Variants in LRMDA observed in about 807,000 individuals in gnomAD.
LRMDA encodes the protein leucine-rich melanocyte differentiation-associated protein.
In LRMDA, 18 loss-of-function variants were observed where a neutral mutation model predicts 29.8. The ratio of observed to expected loss-of-function variants is 0.60; its 90% CI spans 0.42 to 0.90. LRMDA has a LOEUF of 0.90. Ranked by LOEUF, LRMDA falls within the 40% of genes least tolerant of loss-of-function variation. The pLI is 0.00. For missense variants in LRMDA, 273 were observed against 273.9 expected, an observed-to-expected ratio of 1.00 and a Z score of 0.02; for synonymous variants, 125 against 109.4, an observed-to-expected ratio of 1.14 and a Z score of -0.89.
At chr10:76,406,441 T>A (rs1841902488) in intron 6 of LRMDA, among the ~76,000 whole-genome samples, 1 of 152,250 alleles carries the variant, frequency 6.6e-6, no homozygotes, top group African/African-American at 2.4e-5. Flanking sequence ...ATTTGGGTTT[T>A]ATTAACAAAA....
intron 5 of LRMDA, among the ~76,000 whole-genome samples, chr10:76,099,400 T>C (rs541837772): frequency 6.7e-6 from 1 of 150,274 alleles, no homozygotes; most frequent in African/African-American, 2.5e-5. Context: ...TTAATTTTCT[T>C]TTTTATTTTA....
intron 6 of LRMDA, among the ~76,000 whole-genome samples, chr10:76,446,005 A>G (rs1000927147): frequency 6.6e-6 from 1 of 152,154 alleles, no homozygotes; most frequent in African/African-American, 2.4e-5. Flanking sequence ...AGCTTCCCCA[A>G]AGCAAATATT....
intron 2 of LRMDA, among the ~76,000 whole-genome samples, chr10:75,605,023 ATTTGAC>A (rs1177315700): frequency 6.6e-6 from 1 of 152,126 alleles, no homozygotes; most frequent in Non-Finnish European, 1.5e-5. Context: ...TATATTTTTT[ATTTGAC>A]TTTGACAAGT....
At chr10:75,830,170 G>A (rs1414617155) in intron 2 of LRMDA, among the ~76,000 whole-genome samples, 1 of 152,116 alleles carries the variant, frequency 6.6e-6, no homozygotes, top group Non-Finnish European at 1.5e-5. Flanking sequence ...CTCCCTTGAG[G>A]GGCTGTTGTG....
chr10:76,328,994 T>A (rs923538875), intron 6 of LRMDA, among the ~76,000 whole-genome samples: 3 of 152,162 alleles, frequency 2.0e-5, no homozygotes, highest in African/African-American at 7.2e-5. Flanking sequence ...TTTCTGTGGA[T>A]CACAGGAACA....
intron 2 of LRMDA, among the ~76,000 whole-genome samples, chr10:75,707,630 C>T (rs560563820): frequency 8.5e-5 from 13 of 152,260 alleles, no homozygotes; most frequent in African/African-American, 2.4e-4. Flanking sequence ...TTTGAGGCTG[C>T]GAGAGAGCTG....
intron 6 of LRMDA, among the ~76,000 whole-genome samples, chr10:76,441,639 G>T (rs12415604): frequency 1.5e-4 from 23 of 152,214 alleles, no homozygotes; most frequent in African/African-American, 5.5e-4. Flanking sequence ...ATTGCACAGG[G>T]GGAGTGGCAG....
chr10:75,915,120 C>CTTTTT lies in LRMDA; in HGVS notation c.132-120863_132-120859dup, dbSNP rs71024579. On this transcript the variant is annotated intron_variant, in intron 2 of 6. Transcript: ENST00000611255. The stretch of plus-strand genomic sequence containing the variant: ...CTTAGAAATTCTCATGTCTAACCTT[C>CTTTTT]TTTTTTTTTTTTTTTTTTTTTTTTT... Among the ~76,000 whole-genome samples, 246 of 75,238 alleles carry CTTTTT rather than the reference C, an allele frequency of 3.3e-3. 27 individuals are homozygous for CTTTTT. Among genetic ancestry groups the CTTTTT allele is most frequent in the East Asian group, 0.019 (44 of 2,352 alleles). The allele number at this position is 75,238 out of a possible 152,430, so 49.4% of individuals were successfully genotyped here. A position where few individuals can be genotyped will look rare whatever the true frequency, so the allele number is the denominator to read the frequency against.
intron 2 of LRMDA, among the ~76,000 whole-genome samples, chr10:75,981,930 A>G (rs913927815): frequency 1.3e-5 from 2 of 151,974 alleles, no homozygotes; most frequent in African/African-American, 4.8e-5. Context: ...TTCATACACC[A>G]GGTACAGCTG....
At chr10:75,457,575 G>A (rs912670127) in intron 2 of LRMDA, among the ~76,000 whole-genome samples, 1 of 152,146 alleles carries the variant, frequency 6.6e-6, no homozygotes, top group African/African-American at 2.4e-5. Flanking sequence ...TTTTCAGGAG[G>A]AGATAAAACT....
intron 2 of LRMDA, among the ~76,000 whole-genome samples, chr10:75,989,813 TG>T (rs1847334635): frequency 6.6e-6 from 1 of 152,210 alleles, no homozygotes. Context: ...TTCTGTCCCC[TG>T]GGCTGTTTAT....
intron 2 of LRMDA, among the ~76,000 whole-genome samples, chr10:75,588,192 G>T (rs373838723): frequency 6.6e-6 from 1 of 152,164 alleles, no homozygotes; most frequent in Non-Finnish European, 1.5e-5. Context: ...GGATATCAGA[G>T]GTGTGAAGTG....
intron 5 of LRMDA, among the ~76,000 whole-genome samples, chr10:76,241,475 A>G (rs1852276348): frequency 6.6e-6 from 1 of 152,206 alleles, no homozygotes; most frequent in Non-Finnish European, 1.5e-5. Context: ...ATTACCTGGA[A>G]TTCTGCCATG....
chr10:75,690,969 TAAA>T (rs1191387195), intron 2 of LRMDA, among the ~76,000 whole-genome samples: 7 of 96,682 alleles, frequency 7.2e-5, no homozygotes, highest in African/African-American at 3.2e-4. Flanking sequence ...CCCTGTCTCT[TAAA>T]AAAAAAATAT....
At chr10:76,045,787 A>G (rs1848428945) in intron 3 of LRMDA, among the ~76,000 whole-genome samples, 1 of 152,126 alleles carries the variant, frequency 6.6e-6, no homozygotes, top group Non-Finnish European at 1.5e-5. Context: ...GAAAACTGTT[A>G]TGGTTGTCAG....
At chr10:75,669,227 C>G (rs1242705449) in intron 2 of LRMDA, among the ~76,000 whole-genome samples, 2 of 152,300 alleles carry the variant, frequency 1.3e-5, no homozygotes, top group East Asian at 1.9e-4. Flanking sequence ...CTGTGGCACA[C>G]TATTGGCATC....
At chr10:76,080,852 T>A (rs1849037793) in intron 5 of LRMDA, among the ~76,000 whole-genome samples, 1 of 152,148 alleles carries the variant, frequency 6.6e-6, no homozygotes, top group Non-Finnish European at 1.5e-5. Flanking sequence ...AAAGCAAATG[T>A]CTCTTCCGAC....
At chr10:75,707,898 C>T (rs1052304161) in intron 2 of LRMDA, among the ~76,000 whole-genome samples, 2 of 152,144 alleles carry the variant, frequency 1.3e-5, no homozygotes, top group African/African-American at 2.4e-5. Context: ...CACATTCATT[C>T]GGCCACTTTG....
intron 2 of LRMDA, among the ~76,000 whole-genome samples, chr10:75,918,631 G>A (rs748373628): frequency 1.2e-4 from 19 of 152,046 alleles, no homozygotes; most frequent in Non-Finnish European, 2.1e-4. Flanking sequence ...GATTTAGAAG[G>A]GACACATATC....
Sources: allele counts gnomAD v4.1 joint callset (sites outside exome capture counted in the v4.1 genomes callset), GRCh38; gene constraint gnomAD v4.1.1; transcripts MANE v1.5; gene names NCBI Gene and HGNC (gene_info 2026-07-23, HGNC 2026-07-21).